STARD13: variants seen among roughly 807,000 people sequenced by gnomAD.
STARD13 encodes the protein stAR-related lipid transfer protein 13.
Under a neutral mutation model 106.4 loss-of-function variants are expected in STARD13, and 62 were observed. The ratio of observed to expected loss-of-function variants is 0.58; its 90% confidence interval spans 0.48 to 0.72. The LOEUF is 0.72. Ranked by LOEUF, STARD13 falls within the 30% of genes least tolerant of loss-of-function variation. The pLI is 0.00. For synonymous variants in STARD13, 565 were observed against 553.0 expected (o/e 1.02, Z -0.31); for missense variants, 1,387 against 1,424.0 (o/e 0.97, Z 0.42).
intron 1 of STARD13, among the ~76,000 whole-genome samples, chr13:33,189,595 T>G (rs968814557): frequency 1.2e-4 from 18 of 151,980 alleles, no homozygotes; most frequent in Non-Finnish European, 2.2e-4. Flanking sequence ...TGTATGAACC[T>G]CCCTCCCACA....
the STARD13 span, among the ~76,000 whole-genome samples, chr13:33,476,301 T>C: frequency 6.6e-6 from 1 of 152,210 alleles, no homozygotes; most frequent in Non-Finnish European, 1.5e-5. Context: ...GACCTTCATA[T>C]ATATATTTAA....
the STARD13 span, among the ~76,000 whole-genome samples, chr13:33,625,981 A>C: frequency 6.6e-6 from 1 of 152,170 alleles, no homozygotes; most frequent in Non-Finnish European, 1.5e-5. Context: ...TCTTAAATGT[A>C]TATTTCTCCC....
chr13:33,571,881 A>C, the STARD13 span, among the ~76,000 whole-genome samples: 1 of 152,112 alleles, frequency 6.6e-6, no homozygotes, highest in African/African-American at 2.4e-5. Context: ...TGGGCTTCTG[A>C]GAGCAGAGGA....
chr13:33,559,825 C>A, the STARD13 span, among the ~76,000 whole-genome samples: 1 of 151,400 alleles, frequency 6.6e-6, no homozygotes, highest in South Asian at 2.1e-4. Flanking sequence ...CCACTGCACT[C>A]CAGCCTGGGC....
chr13:33,322,614 C>T (rs965545689), intron 1 of STARD13, among the ~76,000 whole-genome samples: 4 of 152,174 alleles, frequency 2.6e-5, no homozygotes, highest in Non-Finnish European at 4.4e-5. Context: ...AGCTGTTGCA[C>T]GCGCAGTGAC....
intron 7 of STARD13, among the ~76,000 whole-genome samples, chr13:33,119,682 TA>T (rs1391814968): frequency 6.6e-6 from 1 of 152,232 alleles, no homozygotes; most frequent in Non-Finnish European, 1.5e-5. Flanking sequence ...GAATTCTTAG[TA>T]ATATTTCTTT....
At chr13:33,245,875 T>A (rs995407906) in intron 1 of STARD13, among the ~76,000 whole-genome samples, 4 of 152,204 alleles carry the variant, frequency 2.6e-5, no homozygotes. Flanking sequence ...TGTAAAGTAA[T>A]TTATAGGGAG....
the STARD13 span, among the ~76,000 whole-genome samples, chr13:33,675,078 C>A: frequency 0.018 from 2,670 of 152,296 alleles, 39 homozygotes; most frequent in Non-Finnish European, 0.025. Context: ...TCCTTAGGAA[C>A]CTTCACCTTT....
chr13:33,545,902 A>G, the STARD13 span, among the ~76,000 whole-genome samples: 1 of 152,194 alleles, frequency 6.6e-6, no homozygotes, highest in Non-Finnish European at 1.5e-5. Flanking sequence ...AGCCAAGTAA[A>G]CCTCTTTTCT....
the STARD13 span, among the ~76,000 whole-genome samples, chr13:33,410,483 C>T: frequency 6.6e-6 from 1 of 152,162 alleles, no homozygotes; most frequent in Non-Finnish European, 1.5e-5. Flanking sequence ...AGGTTCTCAG[C>T]CATCAGGCTT....
intron 1 of STARD13, among the ~76,000 whole-genome samples, chr13:33,182,097 C>T (rs1230022031): frequency 3.3e-5 from 5 of 152,194 alleles, no homozygotes; most frequent in African/African-American, 1.2e-4. Context: ...TGAACATGCA[C>T]ACACCACACA....
rs1244957243 is a variant in STARD13 at position 33,127,573 on chromosome 13, C to G, written c.1749-27G>C. 3 of 1,514,022 alleles carry G rather than the reference C, an allele frequency of 2.0e-6. No individual in the cohort carries two copies. The South Asian group carries it at 3.7e-5, about 19-fold the overall frequency. The allele number at this position is 1,514,022 out of a possible 1,614,324, so 93.8% of individuals were successfully genotyped here. ...TTTACCAGAGAGACCATCAGAGAAGCCAGTCACAAAGTGGACTTGGTAGCG... is the reference window on the plus strand; with the variant it reads ...TTTACCAGAGAGACCATCAGAGAAGGCAGTCACAAAGTGGACTTGGTAGCG... On this transcript the variant is annotated intron_variant, in intron 5 of 13. Transcript: ENST00000336934.
At chr13:33,466,053 T>C in the STARD13 span, among the ~76,000 whole-genome samples, 4 of 152,288 alleles carry the variant, frequency 2.6e-5, no homozygotes, top group South Asian at 4.1e-4. Context: ...TTAAATGCAG[T>C]TCTAATAATG....
chr13:33,660,832 C>T, the STARD13 span, among the ~76,000 whole-genome samples: 1 of 152,180 alleles, frequency 6.6e-6, no homozygotes, highest in Non-Finnish European at 1.5e-5. Flanking sequence ...GATCCTCCTG[C>T]CTTGGCCTTC....
chr13:33,637,590 G>A, the STARD13 span, among the ~76,000 whole-genome samples: 1 of 152,070 alleles, frequency 6.6e-6, no homozygotes, highest in African/African-American at 2.4e-5. Context: ...CATTTCAAGG[G>A]CTCACCAATC....
chr13:33,144,128 C>T (rs585458), intron 3 of STARD13, among the ~76,000 whole-genome samples: 66,668 of 151,980 alleles, frequency 0.44, 15,164 homozygotes, highest in East Asian at 0.58. Flanking sequence ...AGAATCTTAA[C>T]ATAAATTAGA....
intron 4 of STARD13, among the ~76,000 whole-genome samples, chr13:33,138,032 G>C (rs542057262): frequency 1.8e-4 from 28 of 152,354 alleles, no homozygotes; most frequent in African/African-American, 6.3e-4. Context: ...ATTAGTCATG[G>C]TTTCTGTGTT....
At chr13:33,571,968 G>A in the STARD13 span, among the ~76,000 whole-genome samples, 1 of 152,102 alleles carries the variant, frequency 6.6e-6, no homozygotes, top group Non-Finnish European at 1.5e-5. Context: ...ATGTCCTCAG[G>A]ACCTTAAGTT....
At chr13:33,239,721 A>G (rs927724337) in intron 1 of STARD13, among the ~76,000 whole-genome samples, 1 of 152,104 alleles carries the variant, frequency 6.6e-6, no homozygotes, top group Non-Finnish European at 1.5e-5. Context: ...TCTTTTGCCC[A>G]TGTTTTTAAA....
Sources: allele counts gnomAD v4.1 joint callset (sites outside exome capture counted in the v4.1 genomes callset), GRCh38; gene constraint gnomAD v4.1.1; transcripts MANE v1.5; gene names NCBI Gene and HGNC (gene_info 2026-07-23, HGNC 2026-07-21).